KIAA1217: variants seen among roughly 807,000 people sequenced by gnomAD.
The protein encoded by KIAA1217 is KIAA1217, also known as sickle tail protein homolog.
Under a neutral mutation model 163.9 loss-of-function variants are expected in KIAA1217, and 88 were observed. The ratio of observed to expected loss-of-function variants is 0.54; its 90% CI spans 0.45 to 0.64. The LOEUF is 0.64. Ranked by LOEUF, KIAA1217 falls within the 30% of genes least tolerant of loss-of-function variation. The pLI is 0.00. For missense variants in KIAA1217, 2,372 were observed against 2,475.0 expected (o/e 0.96, Z 0.88); for synonymous variants, 903 against 923.1 (o/e 0.98, Z 0.39).
intron 2 of KIAA1217, among the ~76,000 whole-genome samples, chr10:24,094,659 G>C (rs2062076228): frequency 6.6e-6 from 1 of 152,236 alleles, no homozygotes; most frequent in African/African-American, 2.4e-5. Context: ...ATGCCTCCCA[G>C]TTAGGCTGCT....
intron 6 of KIAA1217, among the ~76,000 whole-genome samples, chr10:24,475,973 T>G (rs557056152): frequency 6.6e-6 from 1 of 152,166 alleles, no homozygotes; most frequent in Non-Finnish European, 1.5e-5. Context: ...CTGCATATAA[T>G]GTTGAGAGCC....
intron 20 of KIAA1217, chr10:24,545,373 T>C: frequency 7.4e-7 from 1 of 1,355,366 alleles, no homozygotes; most frequent in Non-Finnish European, 9.5e-7. Context: ...TGGCTTTTCT[T>C]TGGTGAATGT....
At chr10:24,078,258 T>C (rs1422498516) in intron 2 of KIAA1217, among the ~76,000 whole-genome samples, 2 of 152,138 alleles carry the variant, frequency 1.3e-5, no homozygotes, top group African/African-American at 4.8e-5. Context: ...CACCCAGTGA[T>C]TTGAACTGGG....
At chr10:23,721,324 T>G (rs1025480785) in intron 1 of KIAA1217, among the ~76,000 whole-genome samples, 6 of 152,334 alleles carry the variant, frequency 3.9e-5, no homozygotes, top group African/African-American at 1.4e-4. Flanking sequence ...TTGCTCCCAG[T>G]ATTATTTTAA....
chr10:24,140,375 A>G (rs906192700), intron 2 of KIAA1217, among the ~76,000 whole-genome samples: 3 of 151,992 alleles, frequency 2.0e-5, no homozygotes, highest in African/African-American at 7.2e-5. Flanking sequence ...AAAAAAAAAA[A>G]AGAAATCACT....
chr10:23,768,694 A>G (rs1834658082), intron 1 of KIAA1217, among the ~76,000 whole-genome samples: 1 of 152,220 alleles, frequency 6.6e-6, no homozygotes, highest in Non-Finnish European at 1.5e-5. Flanking sequence ...CGGTATCACA[A>G]GAGATGAGGG....
At chr10:23,730,647 G>A (rs1473916476) in intron 1 of KIAA1217, among the ~76,000 whole-genome samples, 1 of 131,226 alleles carries the variant, frequency 7.6e-6, no homozygotes, top group Non-Finnish European at 1.5e-5. Context: ...TTTCCATTTT[G>A]TAGTGTCTTT....
intron 2 of KIAA1217, among the ~76,000 whole-genome samples, chr10:24,319,279 G>A (rs1182434526): frequency 1.3e-5 from 2 of 150,974 alleles, no homozygotes; most frequent in Non-Finnish European, 2.9e-5. Context: ...AGGAGGCTGA[G>A]GCATGAGAAT....
intron 3 of KIAA1217, among the ~76,000 whole-genome samples, chr10:24,391,751 T>A (rs759194917): frequency 1.7e-4 from 26 of 152,152 alleles, no homozygotes; most frequent in Non-Finnish European, 3.4e-4. Flanking sequence ...GTGCTGAAGA[T>A]GGAGCTATAG....
intron 3 of KIAA1217, among the ~76,000 whole-genome samples, chr10:24,402,232 C>G (rs766271883): frequency 1.3e-5 from 2 of 152,120 alleles, no homozygotes; most frequent in Non-Finnish European, 2.9e-5. Context: ...AGTGGTCAGG[C>G]GCAGTGACTC....
chr10:24,441,392 C>T (rs1437313839), intron 5 of KIAA1217, among the ~76,000 whole-genome samples: 1 of 152,112 alleles, frequency 6.6e-6, no homozygotes, highest in Non-Finnish European at 1.5e-5. Context: ...CTGAGACTTT[C>T]CTTAACCAAT....
chr10:23,818,028 C>CAT lies in KIAA1217; in HGVS notation c.-321+122802_-321+122803dup, dbSNP rs1311958639. ...ATATATACACACATATATATACACACATATATATACATATATATACACATA... is the reference window on the plus strand; with the variant it reads ...ATATATACACACATATATATACACACATATATATATACATATATATACACATA... On this transcript the variant is annotated intron_variant, in intron 1 of 18. Coordinates refer to the KIAA1217 transcript ENST00000376462. Among the ~76,000 whole-genome samples the CAT allele has an allele frequency of 1.2e-3, 140 of 112,858 alleles. 3 individuals carry two copies. Among genetic ancestry groups the CAT allele is most frequent in the African/African-American group, 3.6e-3 (99 of 27,520 alleles). The allele number at this position is 112,858 out of a possible 152,430, so 74.0% of individuals were successfully genotyped here.
chr10:23,854,506 G>A (rs527800535), intron 1 of KIAA1217, among the ~76,000 whole-genome samples: 2 of 152,232 alleles, frequency 1.3e-5, no homozygotes, highest in Admixed American at 1.3e-4. Flanking sequence ...GTGGGGTGGA[G>A]AGTTCTGTAG....
chr10:24,071,904 A>G (rs2061200829), intron 2 of KIAA1217, among the ~76,000 whole-genome samples: 1 of 152,166 alleles, frequency 6.6e-6, no homozygotes, highest in Admixed American at 6.5e-5. Context: ...ATAATAGAAT[A>G]TTATTTTTCT....
At chr10:24,059,718 C>T (rs1056882152) in intron 2 of KIAA1217, among the ~76,000 whole-genome samples, 1 of 151,950 alleles carries the variant, frequency 6.6e-6, no homozygotes, top group South Asian at 2.1e-4. Flanking sequence ...ACTGGGACTA[C>T]AGGCACCCGC....
At chr10:23,853,195 C>G (rs1317587796) in intron 1 of KIAA1217, among the ~76,000 whole-genome samples, 4 of 152,120 alleles carry the variant, frequency 2.6e-5, no homozygotes, top group Non-Finnish European at 5.9e-5. Flanking sequence ...CCCATCAATA[C>G]CTAATTTTTT....
rs560896819 is a variant in KIAA1217 at position 23,919,314 on chromosome 10, C to G, written c.-320-87911C>G. On this transcript the variant is annotated intron_variant, in intron 1 of 18. Transcript: ENST00000376462. ...TAAATCTCAATTCCTCCTCTAAACC[C>G]CTAATCATCGACTGGGTGCAGTGGG... Among the ~76,000 whole-genome samples the G allele has an allele frequency of 1.3e-4, 20 of 152,016 alleles. 1 individual carries two copies. The highest frequency in any genetic ancestry group is 4.8e-4 in the African/African-American group (20 of 41,468).
intron 2 of KIAA1217, among the ~76,000 whole-genome samples, chr10:24,114,692 A>G (rs993572699): frequency 3.9e-5 from 6 of 152,234 alleles, no homozygotes; most frequent in African/African-American, 7.2e-5. Flanking sequence ...CATTCTCAAC[A>G]GCACATCTGG....
At chr10:24,402,516 C>CAAAAAA (rs372012492) in intron 3 of KIAA1217, among the ~76,000 whole-genome samples, 4,930 of 91,158 alleles carry the variant, frequency 0.054, 215 homozygotes, top group South Asian at 0.1. Context: ...CTCAAAAAAA[C>CAAAAAA]AAAAAACAAA....
Sources: gnomAD v4.1 joint callset for allele counts (sites outside exome capture counted in the v4.1 genomes callset) on GRCh38, gnomAD v4.1.1 for gene constraint, MANE v1.5 for transcripts, NCBI Gene and HGNC (gene_info 2026-07-23, HGNC 2026-07-21) for gene names.